DIAPH3: variants seen among roughly 807,000 people sequenced by gnomAD.
DIAPH3 encodes the protein diaphanous related formin 3, also known as protein diaphanous homolog 3.
DIAPH3 carries 117 observed loss-of-function variants against 144.3 expected under a neutral mutation model. That is an observed-to-expected ratio of 0.81 (90% confidence interval 0.70 to 0.95). The LOEUF is 0.95. Among genes scored for constraint, DIAPH3 ranks in the 40% least tolerant of loss-of-function variants. DIAPH3 has a pLI of 0.00. For missense variants in DIAPH3, 1,421 were observed against 1,412.7 expected, an observed-to-expected ratio of 1.01 and a Z score of -0.09; for synonymous variants, 519 against 488.9, an observed-to-expected ratio of 1.06 and a Z score of -0.81.
At chr13:59,861,377 C>G in intron 22 of DIAPH3, 30 bp downstream of exon 22, 2 of 1,613,332 alleles carry the variant, frequency 1.2e-6, no homozygotes, top group Non-Finnish European at 1.7e-6. Context: ...AAGATCAGAG[C>G]CATGAAATGT....
At chr13:59,893,271 TG>T (rs2045914231) in intron 20 of DIAPH3, among the ~76,000 whole-genome samples, 1 of 152,174 alleles carries the variant, frequency 6.6e-6, no homozygotes, top group Non-Finnish European at 1.5e-5. Context: ...TTAACATTTA[TG>T]AAACAAACAC....
At position 60,093,576 on chromosome 13, in the gene DIAPH3, T is replaced by G. The variant is rs2058019395; in HGVS notation, c.495+52A>C. 4 of 1,253,716 alleles carry G rather than the reference T, an allele frequency of 3.2e-6. No homozygotes were observed. The Admixed American group carries it at 7.0e-5, about 22-fold the overall frequency. 77.7% of individuals were successfully genotyped at this position (1,253,716 alleles called of 1,614,324 possible). A position where few individuals can be genotyped will look rare whatever the true frequency, so the allele number is the denominator to read the frequency against. On this transcript the variant is annotated intron_variant, in intron 4 of 27. Coordinates refer to ENST00000400324, the MANE Select transcript of DIAPH3 (RefSeq NM_001042517.2). Reference sequence around the variant, plus strand: ...ACTTCATTAGATAAATGTGCTGTTTTCCATGTTAAAACATGTTCGGCAGTA... The same window carrying G: ...ACTTCATTAGATAAATGTGCTGTTTGCCATGTTAAAACATGTTCGGCAGTA...
At chr13:59,959,614 T>C (rs1031140218) in intron 17 of DIAPH3, among the ~76,000 whole-genome samples, 1 of 152,128 alleles carries the variant, frequency 6.6e-6, no homozygotes, top group East Asian at 1.9e-4. Flanking sequence ...TGCTCGGCTA[T>C]TGCTGGCTTT....
At chr13:59,899,506 T>C (rs1237731822) in intron 20 of DIAPH3, among the ~76,000 whole-genome samples, 1 of 152,156 alleles carries the variant, frequency 6.6e-6, no homozygotes, top group African/African-American at 2.4e-5. Context: ...CTGGCATGTT[T>C]AGGAAACAGT....
intron 22 of DIAPH3, among the ~76,000 whole-genome samples, chr13:59,850,717 A>G (rs553378722): frequency 6.6e-6 from 1 of 152,122 alleles, no homozygotes; most frequent in South Asian, 2.1e-4. Context: ...CCACAGAAAT[A>G]CAAACTACCA....
At chr13:60,030,331 T>G (rs1291346041) in intron 5 of DIAPH3, among the ~76,000 whole-genome samples, 2 of 152,158 alleles carry the variant, frequency 1.3e-5, no homozygotes, top group Non-Finnish European at 2.9e-5. Context: ...ACTTAGGAAC[T>G]TAAGAGCTTT....
intron 4 of DIAPH3, among the ~76,000 whole-genome samples, chr13:60,063,697 C>A (rs138276567): frequency 2.7e-3 from 406 of 152,222 alleles, no homozygotes; most frequent in African/African-American, 9.1e-3. Context: ...GAGGCCGAGA[C>A]AAGTGGATCA....
intron 27 of DIAPH3, among the ~76,000 whole-genome samples, chr13:59,710,791 T>A (rs1310532763): frequency 1.3e-5 from 2 of 152,196 alleles, no homozygotes; most frequent in African/African-American, 2.4e-5. Context: ...TACTACCTCC[T>A]TTTTCAGAAC....
At chr13:59,779,663 C>T (rs2038630029) in intron 25 of DIAPH3, among the ~76,000 whole-genome samples, 1 of 151,934 alleles carries the variant, frequency 6.6e-6, no homozygotes, top group Admixed American at 6.6e-5. Context: ...AGGCGTGCCC[C>T]ACCATGCCCA....
At chr13:60,030,618 G>A (rs1031866662) in intron 5 of DIAPH3, among the ~76,000 whole-genome samples, 3 of 152,076 alleles carry the variant, frequency 2.0e-5, no homozygotes, top group East Asian at 1.9e-4. Flanking sequence ...ATACAATACC[G>A]GGTCCCCTCC....
chr13:60,038,033 A>G (rs2055358061), intron 5 of DIAPH3, among the ~76,000 whole-genome samples: 1 of 152,090 alleles, frequency 6.6e-6, no homozygotes, highest in African/African-American at 2.4e-5. Context: ...CAGTAGGTTA[A>G]TTAGGAATAT....
chr13:59,756,853 C>A (rs2037305074), intron 27 of DIAPH3, among the ~76,000 whole-genome samples: 1 of 151,872 alleles, frequency 6.6e-6, no homozygotes, highest in African/African-American at 2.4e-5. Flanking sequence ...TAAAAACATA[C>A]AAATAAAACC....
chr13:59,802,567 T>A (rs1268713619), intron 25 of DIAPH3, among the ~76,000 whole-genome samples: 2 of 19,762 alleles, frequency 1.0e-4, no homozygotes, highest in African/African-American at 2.4e-4. Context: ...CAAGGAAAAG[T>A]TTTTTTTTTT....
intron 2 of DIAPH3, among the ~76,000 whole-genome samples, chr13:60,126,850 T>G (rs934457986): frequency 6.6e-6 from 1 of 151,940 alleles, no homozygotes; most frequent in African/African-American, 2.4e-5. Context: ...TCAATAAAAT[T>G]TTGTGGGATG....
chr13:59,891,424 C>CA (rs908061495), intron 20 of DIAPH3, among the ~76,000 whole-genome samples: 2 of 145,608 alleles, frequency 1.4e-5, no homozygotes, highest in African/African-American at 5.1e-5. Flanking sequence ...GTTTCCATAC[C>CA]AAAAAAACCC....
intron 9 of DIAPH3, among the ~76,000 whole-genome samples, chr13:59,996,979 A>G (rs190631900): frequency 1.2e-4 from 19 of 152,220 alleles, no homozygotes; most frequent in African/African-American, 4.6e-4. Flanking sequence ...CACAAATATG[A>G]GAAAAGACAA....
At position 59,912,358 on chromosome 13, in the gene DIAPH3, T is replaced by C. The variant is rs1269539087; in HGVS notation, c.2266-522A>G. ...GGATTACAGTTTTAATAATAAAAAC[T>C]GAAGATATCTCTAAAACAAACTAAC... On this transcript the variant is annotated intron_variant, in intron 19 of 27. Transcript: ENST00000400324. 2.6e-5 allele frequency among the ~76,000 whole-genome samples: 4 copies of C among 152,296 alleles called. No individual in the cohort carries two copies. The East Asian group carries it at 7.7e-4, about 29-fold the overall frequency.
chr13:59,756,769 C>A (rs2037300859), intron 27 of DIAPH3, among the ~76,000 whole-genome samples: 1 of 152,150 alleles, frequency 6.6e-6, no homozygotes, highest in African/African-American at 2.4e-5. Flanking sequence ...AGGTCTGTCT[C>A]TGATTTTCAT....
At chr13:59,972,873 A>G (rs977403205) in intron 15 of DIAPH3, among the ~76,000 whole-genome samples, 1 of 140,262 alleles carries the variant, frequency 7.1e-6, no homozygotes, top group African/African-American at 2.5e-5. Flanking sequence ...GGAGCAAAGG[A>G]ATTAAATCAC....
Sources: allele counts gnomAD v4.1 joint callset (sites outside exome capture counted in the v4.1 genomes callset), GRCh38; gene constraint gnomAD v4.1.1; transcripts MANE v1.5; gene names NCBI Gene and HGNC (gene_info 2026-07-23, HGNC 2026-07-21).